Variants in FCHSD2 observed in about 807,000 individuals in gnomAD.
FCHSD2 encodes FCH and double SH3 domains 2.
FCHSD2 carries 38 observed loss-of-function variants against 108.1 expected under a neutral mutation model. The ratio of observed to expected loss-of-function variants is 0.35; its 90% CI spans 0.27 to 0.46. FCHSD2 has a LOEUF of 0.46. FCHSD2 is among the 20% of genes least tolerant of loss of function. FCHSD2 has a pLI of 1.00. For synonymous variants in FCHSD2, 279 were observed against 314.7 expected (o/e 0.89, Z 1.20); for missense variants, 751 against 897.8 (o/e 0.84, Z 2.09).
chr11:73,106,344 T>A (rs1172711083), intron 2 of FCHSD2, among the ~76,000 whole-genome samples: 1 of 148,204 alleles, frequency 6.7e-6, no homozygotes, highest in Non-Finnish European at 1.5e-5. Flanking sequence ...AAGTCAAGGC[T>A]GCAGTGAGCT....
At chr11:73,086,825 T>C (rs1419633157) in intron 2 of FCHSD2, among the ~76,000 whole-genome samples, 1 of 152,158 alleles carries the variant, frequency 6.6e-6, no homozygotes, top group East Asian at 1.9e-4. Context: ...GTCCCAGAAA[T>C]GAATAGATAA....
intron 2 of FCHSD2, among the ~76,000 whole-genome samples, chr11:73,128,560 A>T (rs1860914184): frequency 6.6e-6 from 1 of 152,198 alleles, no homozygotes; most frequent in Admixed American, 6.5e-5. Flanking sequence ...AACAAAAGAA[A>T]AAAGGAAGGA....
intron 9 of FCHSD2, among the ~76,000 whole-genome samples, chr11:72,919,998 GAC>G (rs1426073386): frequency 1.3e-5 from 2 of 151,982 alleles, no homozygotes; most frequent in African/African-American, 4.8e-5. Context: ...CAAGCAGAAA[GAC>G]ACTTTTTTAA....
rs530828158 is a variant in FCHSD2 at position 72,990,248 on chromosome 11, A to G, written c.388-1151T>C. On this transcript the variant is annotated intron_variant, in intron 5 of 19. Coordinates refer to ENST00000409418, the MANE Select transcript of FCHSD2 (RefSeq NM_014824.3). ...GCTTAACTTTCTAGATCTGTGTTTC[A>G]ATAGAAACCTGATGAGAAGACACAA... 2.0e-5 allele frequency among the ~76,000 whole-genome samples: 3 copies of G among 152,332 alleles called. No homozygotes were observed. In the South Asian group the frequency reaches 6.2e-4, roughly 32 times the overall value.
chr11:72,995,745 T>C (rs1857509010), intron 5 of FCHSD2, among the ~76,000 whole-genome samples: 1 of 149,454 alleles, frequency 6.7e-6, no homozygotes, highest in Admixed American at 6.7e-5. Flanking sequence ...AAAAGTATAG[T>C]CTCTGAGTAT....
intron 2 of FCHSD2, among the ~76,000 whole-genome samples, chr11:73,106,706 T>A (rs970034018): frequency 1.3e-5 from 2 of 152,130 alleles, no homozygotes; most frequent in African/African-American, 2.4e-5. Flanking sequence ...TATGCTGTGT[T>A]TTTTCTACGT....
At chr11:73,062,887 T>A (rs911874504) in intron 3 of FCHSD2, among the ~76,000 whole-genome samples, 3 of 152,044 alleles carry the variant, frequency 2.0e-5, no homozygotes, top group Non-Finnish European at 4.4e-5. Context: ...CAGGAGAACT[T>A]CCCCAACCTA....
intron 5 of FCHSD2, among the ~76,000 whole-genome samples, chr11:72,993,796 A>G (rs1279242456): frequency 6.6e-6 from 1 of 151,916 alleles, no homozygotes. Context: ...ATTTGGAGAT[A>G]TACCTAATGT....
At chr11:72,855,561 T>C (rs1861407170) in intron 13 of FCHSD2, among the ~76,000 whole-genome samples, 1 of 152,170 alleles carries the variant, frequency 6.6e-6, no homozygotes, top group Non-Finnish European at 1.5e-5. Flanking sequence ...AAACTTACAC[T>C]TAAAGTGGTA....
intron 2 of FCHSD2, among the ~76,000 whole-genome samples, chr11:73,115,394 A>T (rs1591566019): frequency 6.6e-6 from 1 of 152,200 alleles, no homozygotes; most frequent in Admixed American, 6.5e-5. Flanking sequence ...TGTGTTAGCT[A>T]GGATAGTCTC....
In FCHSD2 at chr11:72,887,683, A is replaced by AT. The variant is rs546346166; in HGVS notation, c.1042-110dup. 3.2e-5 allele frequency: 20 copies of AT among 620,362 alleles called. No individual in the cohort carries two copies. The Admixed American group carries it at 3.8e-4, about 12-fold the overall frequency. 38.4% of individuals were successfully genotyped at this position (620,362 alleles called of 1,614,324 possible). A position where few individuals can be genotyped will look rare whatever the true frequency, so the allele number is the denominator to read the frequency against. Reference sequence around the variant, plus strand: ...AGGGCTTTAGTGACTAGTAGCCATAATTTTTTTTCATTTATTTATTTTTTG... The same window carrying AT: ...AGGGCTTTAGTGACTAGTAGCCATAATTTTTTTTTCATTTATTTATTTTTTG... On this transcript the variant is annotated intron_variant, in intron 11 of 19. Coordinates refer to ENST00000409418, the MANE Select transcript of FCHSD2 (RefSeq NM_014824.3).
At position 72,844,828 on chromosome 11, in the gene FCHSD2, T is replaced by C. The variant is rs191959813; in HGVS notation, c.1444-1296A>G. On this transcript the variant is annotated intron_variant, in intron 14 of 19. Coordinates refer to ENST00000409418, the MANE Select transcript of FCHSD2 (RefSeq NM_014824.3). ...CATTTTCAAGATCAATTTCCCATTT[T>C]ATGAACATTAAAACATTTCATCAAA... Among the ~76,000 whole-genome samples, 3 of 152,352 alleles carry C rather than the reference T, an allele frequency of 2.0e-5. No individual in the cohort carries two copies. The East Asian group carries it at 5.8e-4, about 29-fold the overall frequency.
chr11:72,838,150 G>T lies in FCHSD2; in HGVS notation c.*641C>A, dbSNP rs1179836125. On this transcript the variant is annotated 3_prime_UTR_variant, in exon 20 of 20. Coordinates refer to ENST00000409418, the MANE Select transcript of FCHSD2 (RefSeq NM_014824.3). ...CTGCTAATTCTAAATGAATGGCACA[G>T]ATATTAATACGAAGGACACTGTTAT... is the stretch of plus-strand genomic sequence containing the variant. The T allele has an allele frequency of 6.6e-6, 1 of 152,342 alleles. No homozygotes were observed. Among genetic ancestry groups the T allele is most frequent in the Non-Finnish European group, 1.5e-5 (1 of 68,168 alleles). 9.4% of individuals were successfully genotyped at this position (152,342 alleles called of 1,614,324 possible).
chr11:73,027,377 C>A (rs1858253154), intron 3 of FCHSD2, among the ~76,000 whole-genome samples: 1 of 152,140 alleles, frequency 6.6e-6, no homozygotes, highest in Admixed American at 6.5e-5. Flanking sequence ...GAACTTTGAA[C>A]TTGAGAGAGA....
At chr11:73,048,458 A>G (rs1386152009) in intron 3 of FCHSD2, among the ~76,000 whole-genome samples, 1 of 152,202 alleles carries the variant, frequency 6.6e-6, no homozygotes, top group Non-Finnish European at 1.5e-5. Flanking sequence ...TAACAACTCA[A>G]AAAGTGGAAA....
chr11:72,906,258 C>T (rs1481527064), intron 9 of FCHSD2, among the ~76,000 whole-genome samples: 2 of 152,106 alleles, frequency 1.3e-5, no homozygotes, highest in East Asian at 3.8e-4. Flanking sequence ...TATCCTTTGC[C>T]CACTTTTTGA....
intron 8 of FCHSD2, among the ~76,000 whole-genome samples, chr11:72,955,618 C>A (rs1856697975): frequency 1.3e-5 from 2 of 152,126 alleles, no homozygotes; most frequent in African/African-American, 4.8e-5. Flanking sequence ...CAGGAGCCCA[C>A]TAAGAGTTAC....
At chr11:73,023,537 A>G (rs1297251611) in intron 3 of FCHSD2, among the ~76,000 whole-genome samples, 1 of 152,218 alleles carries the variant, frequency 6.6e-6, no homozygotes, top group Non-Finnish European at 1.5e-5. Flanking sequence ...ACAGCAAGAA[A>G]TGCTAGTGAG....
At chr11:73,066,694 C>G (rs1402631660) in intron 3 of FCHSD2, among the ~76,000 whole-genome samples, 2 of 151,668 alleles carry the variant, frequency 1.3e-5, no homozygotes, top group Non-Finnish European at 2.9e-5. Flanking sequence ...AGACAGTTCT[C>G]AAAAGAAGAC....
Sources: gnomAD v4.1 joint callset for allele counts (sites outside exome capture counted in the v4.1 genomes callset) on GRCh38, gnomAD v4.1.1 for gene constraint, MANE v1.5 for transcripts, NCBI Gene and HGNC (gene_info 2026-07-23, HGNC 2026-07-21) for gene names.